The following CDH12 variants were observed in gnomAD, a reference collection of about 807,000 sequenced individuals.
CDH12 encodes cadherin 12.
In CDH12, 41 loss-of-function variants were observed where a neutral mutation model predicts 74.1. That is an observed-to-expected ratio of 0.55 (90% CI 0.43 to 0.72). The LOEUF is 0.72. CDH12 is among the 30% of genes least tolerant of loss of function. CDH12 has a pLI of 0.00. For synonymous variants in CDH12, 399 were observed against 355.0 expected (o/e 1.12, Z -1.39); for missense variants, 945 against 977.2 (o/e 0.97, Z 0.44).
At chr5:21,775,576 T>G (rs1430073687) in intron 11 of CDH12, among the ~76,000 whole-genome samples, 1 of 152,156 alleles carries the variant, frequency 6.6e-6, no homozygotes, top group East Asian at 1.9e-4. Context: ...CAACATGACT[T>G]TTCATAGCTA....
chr5:22,504,604 C>T (rs1349971040), intron 2 of CDH12, among the ~76,000 whole-genome samples: 1 of 151,968 alleles, frequency 6.6e-6, no homozygotes, highest in African/African-American at 2.4e-5. Flanking sequence ...TAGATTCTCC[C>T]ATTACCAAGC....
intron 2 of CDH12, among the ~76,000 whole-genome samples, chr5:22,482,444 C>A (rs1307938872): frequency 6.6e-6 from 1 of 152,082 alleles, no homozygotes; most frequent in Non-Finnish European, 1.5e-5. Flanking sequence ...CTCTACGTAC[C>A]TTTATGTTGA....
At chr5:22,137,551 C>T (rs1244847026) in intron 4 of CDH12, among the ~76,000 whole-genome samples, 4 of 151,954 alleles carry the variant, frequency 2.6e-5, no homozygotes, top group Non-Finnish European at 5.9e-5. Flanking sequence ...AGAAATAACC[C>T]TGCACATGCA....
At chr5:21,836,886 C>T (rs924909770) in intron 8 of CDH12, among the ~76,000 whole-genome samples, 4 of 151,896 alleles carry the variant, frequency 2.6e-5, no homozygotes, top group Non-Finnish European at 5.9e-5. Flanking sequence ...ACTTCAGTTA[C>T]CGCTCTTTTA....
At chr5:22,388,556 T>C (rs1742099390) in intron 3 of CDH12, among the ~76,000 whole-genome samples, 1 of 152,122 alleles carries the variant, frequency 6.6e-6, no homozygotes, top group Admixed American at 6.5e-5. Context: ...TTTTAATGTC[T>C]TCATTCATTA....
chr5:21,898,008 T>C (rs901692941), intron 6 of CDH12, among the ~76,000 whole-genome samples: 9 of 152,184 alleles, frequency 5.9e-5, no homozygotes, highest in Non-Finnish European at 8.8e-5. Flanking sequence ...ATATTTCTGA[T>C]ATTTTTATTA....
intron 5 of CDH12, among the ~76,000 whole-genome samples, chr5:22,076,605 T>C (rs1742329973): frequency 6.6e-6 from 1 of 152,140 alleles, no homozygotes; most frequent in Admixed American, 6.6e-5. Context: ...ATTCCATTCT[T>C]ACATTAAATT....
intron 1 of CDH12, among the ~76,000 whole-genome samples, chr5:22,655,810 C>T (rs1369987163): frequency 6.6e-6 from 1 of 152,168 alleles, no homozygotes; most frequent in East Asian, 1.9e-4. Flanking sequence ...ACATGCTCCC[C>T]ATATGGGAAT....
intron 6 of CDH12, among the ~76,000 whole-genome samples, chr5:21,958,515 T>TA (rs1286945273): frequency 6.6e-6 from 1 of 152,198 alleles, no homozygotes; most frequent in Admixed American, 6.5e-5. Flanking sequence ...TGCATATGGC[T>TA]AGTTAGTTAT....
At chr5:22,386,233 A>T (rs892249344) in intron 3 of CDH12, among the ~76,000 whole-genome samples, 1 of 152,118 alleles carries the variant, frequency 6.6e-6, no homozygotes, top group Non-Finnish European at 1.5e-5. Context: ...GAGACCTCAC[A>T]TGGCAAGAAC....
chr5:21,935,180 T>C (rs1755023318), intron 6 of CDH12, among the ~76,000 whole-genome samples: 1 of 152,202 alleles, frequency 6.6e-6, no homozygotes, highest in Non-Finnish European at 1.5e-5. Flanking sequence ...TGGATGGCTT[T>C]TCATATATTG....
chr5:22,391,401 G>A (rs1742242496), intron 3 of CDH12, among the ~76,000 whole-genome samples: 1 of 152,120 alleles, frequency 6.6e-6, no homozygotes. Context: ...CCAGCCATTT[G>A]AATGCAGACA....
chr5:22,665,006 A>G (rs1740540389), intron 1 of CDH12, among the ~76,000 whole-genome samples: 1 of 152,130 alleles, frequency 6.6e-6, no homozygotes, highest in Admixed American at 6.5e-5. Context: ...TGCAGTGGCT[A>G]TTCACAGGCA....
intron 1 of CDH12, among the ~76,000 whole-genome samples, chr5:22,678,045 G>GGCT (rs1554058350): frequency 3.6e-4 from 7 of 19,622 alleles, no homozygotes; most frequent in African/African-American, 1.2e-3. Context: ...CCATCCTCAT[G>GGCT]GGGGGGGGGG....
intron 2 of CDH12, among the ~76,000 whole-genome samples, chr5:22,417,853 G>A (rs1042208380): frequency 1.3e-5 from 2 of 151,822 alleles, no homozygotes; most frequent in Admixed American, 6.6e-5. Flanking sequence ...GAAAAGTCAC[G>A]GACTCTTAAA....
intron 1 of CDH12, among the ~76,000 whole-genome samples, chr5:22,823,089 T>C (rs953752674): frequency 6.6e-6 from 1 of 152,042 alleles, no homozygotes; most frequent in Non-Finnish European, 1.5e-5. Context: ...TGTAGGGACA[T>C]GGATGAAATT....
At chr5:21,794,564 A>T (rs866490330) in intron 10 of CDH12, among the ~76,000 whole-genome samples, 5 of 151,850 alleles carry the variant, frequency 3.3e-5, no homozygotes, top group Admixed American at 3.3e-4. Flanking sequence ...TCTTTGAGGT[A>T]TTCCATATCA....
At chr5:22,422,817 G>A (rs1008382709) in intron 2 of CDH12, among the ~76,000 whole-genome samples, 10 of 152,056 alleles carry the variant, frequency 6.6e-5, no homozygotes, top group African/African-American at 2.4e-4. Context: ...TAGGTTGTCA[G>A]TTATCCATTT....
At chr5:22,056,106 A>C (rs554137627) in intron 5 of CDH12, among the ~76,000 whole-genome samples, 39 of 152,268 alleles carry the variant, frequency 2.6e-4, no homozygotes, top group African/African-American at 9.1e-4. Context: ...GGCAGATGTT[A>C]TATAAAATGA....
Sources: allele counts gnomAD v4.1 joint callset (sites outside exome capture counted in the v4.1 genomes callset), GRCh38; gene constraint gnomAD v4.1.1; transcripts MANE v1.5; gene names NCBI Gene and HGNC (gene_info 2026-07-23, HGNC 2026-07-21).